Variants in SPHKAP observed in about 807,000 individuals in gnomAD.
SPHKAP encodes SPHK1 interactor, AKAP domain containing.
Under a neutral mutation model 137.5 loss-of-function variants are expected in SPHKAP, and 67 were observed. The ratio of observed to expected loss-of-function variants is 0.49; its 90% CI spans 0.40 to 0.60. The LOEUF is 0.60. SPHKAP is among the 20% of genes least tolerant of loss of function. SPHKAP has a pLI of 0.00. For synonymous variants in SPHKAP, 813 were observed against 785.3 expected (o/e 1.04, Z -0.59); for missense variants, 2,097 against 2,069.3 (o/e 1.01, Z -0.26).
rs1199255501 is a variant in SPHKAP, at chr2:228,092,137, G to GTATATA, written c.246+16694_246+16695insTATATA. ...CATATATACATATACGTATATGTGT[G>GTATATA]TACACATATATACATATACATATAT... On this transcript the variant is annotated intron_variant, in intron 3 of 11. Transcript: ENST00000392056. Among the ~76,000 whole-genome samples the GTATATA allele has an allele frequency of 8.1e-3, 1,138 of 141,110 alleles. 28 individuals are homozygous for GTATATA. Among genetic ancestry groups the GTATATA allele is most frequent in the Middle Eastern group, 0.055 (13 of 236 alleles). 92.6% of individuals were successfully genotyped at this position (141,110 alleles called of 152,430 possible). A position where few individuals can be genotyped will look rare whatever the true frequency, so the allele number is the denominator to read the frequency against.
At chr2:228,114,798 C>T (rs1698652320) in intron 2 of SPHKAP, among the ~76,000 whole-genome samples, 1 of 152,124 alleles carries the variant, frequency 6.6e-6, no homozygotes, top group South Asian at 2.1e-4. Flanking sequence ...TCTCTACTCT[C>T]CTTCAGTCAA....
chr2:228,150,497 G>A (rs946868411), intron 1 of SPHKAP, among the ~76,000 whole-genome samples: 7 of 151,904 alleles, frequency 4.6e-5, no homozygotes, highest in Non-Finnish European at 8.8e-5. Context: ...AGTTACTTTA[G>A]TAAGTTATAT....
chr2:228,010,941 G>C (rs1172004249), intron 7 of SPHKAP, among the ~76,000 whole-genome samples: 1 of 152,088 alleles, frequency 6.6e-6, no homozygotes, highest in Non-Finnish European at 1.5e-5. Flanking sequence ...TTGATTCCTT[G>C]TGTGTCTTTC....
At position 228,017,947 on chromosome 2, in the gene SPHKAP, C is replaced by G. The variant is rs1413118392; in HGVS notation, c.2907G>C (p.Leu969=). Residue 969 remains leucine (L), a synonymous_variant, in exon 7 of 12, where the codon CTG becomes CTC. Transcript: ENST00000392056. ...FCAWKRGSEF[L]MTPNVPCRSL... ...ATCGGCAGGGTACGTTGGGTGTCATCAGAAACTCACTCCCTCTTTTCCATG... is the reference window on the plus strand; with the variant it reads ...ATCGGCAGGGTACGTTGGGTGTCATGAGAAACTCACTCCCTCTTTTCCATG... 3 of 1,614,152 alleles carry G rather than the reference C, an allele frequency of 1.9e-6. No homozygotes were observed. The highest frequency in any genetic ancestry group is 2.5e-6 in the Non-Finnish European group (3 of 1,180,034).
intron 11 of SPHKAP, chr2:227,982,122 T>G (rs1034790993): frequency 1.1e-5 from 11 of 985,034 alleles, no homozygotes; most frequent in Non-Finnish European, 1.3e-5. Context: ...ATGAGACTAA[T>G]TCTTTTTTTT....
chr2:227,993,714 T>A, intron 8 of SPHKAP, 94 bp from the exon 9 acceptor site: 1 of 1,123,298 alleles, frequency 8.9e-7, no homozygotes, highest in Non-Finnish European at 1.3e-6. Context: ...CTCCTTCCTT[T>A]GGTCCCCAGA....
intron 3 of SPHKAP, among the ~76,000 whole-genome samples, chr2:228,063,368 T>C (rs1293064031): frequency 6.6e-6 from 1 of 152,176 alleles, no homozygotes; most frequent in Admixed American, 6.5e-5. Flanking sequence ...AAATGACTTA[T>C]TTTGCATAAA....
At position 228,080,214 on chromosome 2, in the gene SPHKAP, G is replaced by T. The variant is rs139226622; in HGVS notation, c.246+28618C>A. On this transcript the variant is annotated intron_variant, in intron 3 of 11. Transcript: ENST00000392056. ...ACATATGGAGTGGGAGAACATATTT[G>T]CAGATCATGCGTCTAATGGGGTTAA... Among the ~76,000 whole-genome samples the T allele has an allele frequency of 4.8e-3, 727 of 152,218 alleles. 12 individuals are homozygous for T. Among genetic ancestry groups the T allele is most frequent in the African/African-American group, 0.017 (693 of 41,548 alleles).
chr2:228,150,256 A>G (rs1699890376), intron 1 of SPHKAP, among the ~76,000 whole-genome samples: 1 of 152,308 alleles, frequency 6.6e-6, no homozygotes, highest in African/African-American at 2.4e-5. Context: ...TCTTTTGATC[A>G]TGAATGAGAC....
chr2:228,172,809 C>T lies in SPHKAP; in HGVS notation c.32+8758G>A, dbSNP rs377301971. ...CCACAACCTGAAATCTGTTAGTCACCATGGCAGAAAGTAAGAGAAATGAAG... is the reference window on the plus strand; with the variant it reads ...CCACAACCTGAAATCTGTTAGTCACTATGGCAGAAAGTAAGAGAAATGAAG... On this transcript the variant is annotated intron_variant, in intron 1 of 11. Transcript: ENST00000392056. 3.3e-5 allele frequency among the ~76,000 whole-genome samples: 5 copies of T among 152,116 alleles called. No individual in the cohort carries two copies. In the East Asian group the frequency reaches 5.8e-4, roughly 18 times the overall value.
intron 2 of SPHKAP, among the ~76,000 whole-genome samples, chr2:228,128,597 T>C (rs1030427584): frequency 1.3e-5 from 2 of 152,214 alleles, no homozygotes; most frequent in East Asian, 1.9e-4. Context: ...CTATCTACTT[T>C]GCCCAGATCC....
intron 1 of SPHKAP, among the ~76,000 whole-genome samples, chr2:228,144,464 G>A (rs1304445627): frequency 2.5e-5 from 3 of 121,928 alleles, no homozygotes; most frequent in African/African-American, 5.5e-5. Context: ...TACATACATA[G>A]TTTCATATAT....
Position 228,165,753 on chromosome 2 carries a change from G to A in SPHKAP, c.32+15814C>T, listed in dbSNP as rs766071193. 5.9e-5 allele frequency among the ~76,000 whole-genome samples: 9 copies of A among 152,348 alleles called. 1 individual carries two copies. The South Asian group carries it at 1.9e-3, about 32-fold the overall frequency. On this transcript the variant is annotated intron_variant, in intron 1 of 11. Coordinates refer to ENST00000392056, the MANE Select transcript of SPHKAP (RefSeq NM_001142644.2). Reference sequence around the variant, plus strand: ...CCAGTCTCTGCAATTACAAGATTGTGTAAGAAAGCAAGAGTTGTCTTAACT... The same window carrying A: ...CCAGTCTCTGCAATTACAAGATTGTATAAGAAAGCAAGAGTTGTCTTAACT...
chr2:228,067,862 T>G (rs1191556993), intron 3 of SPHKAP, among the ~76,000 whole-genome samples: 3 of 152,086 alleles, frequency 2.0e-5, no homozygotes, highest in African/African-American at 7.2e-5. Flanking sequence ...GATTGAAAAT[T>G]TAAAAAGAGT....
chr2:228,145,725 G>C (rs924998418), intron 1 of SPHKAP, among the ~76,000 whole-genome samples: 2 of 152,172 alleles, frequency 1.3e-5, no homozygotes, highest in Non-Finnish European at 1.5e-5. Flanking sequence ...ATTTAGCAAT[G>C]AGAGTATAAA....
intron 2 of SPHKAP, among the ~76,000 whole-genome samples, chr2:228,123,414 C>T (rs1698972069): frequency 6.6e-6 from 1 of 152,120 alleles, no homozygotes; most frequent in Non-Finnish European, 1.5e-5. Context: ...GTTTATACTC[C>T]AGGGGGAAAT....
At chr2:228,168,623 C>T (rs1367377310) in intron 1 of SPHKAP, among the ~76,000 whole-genome samples, 2 of 152,268 alleles carry the variant, frequency 1.3e-5, no homozygotes, top group East Asian at 3.9e-4. Flanking sequence ...GAAGTTACCC[C>T]TTCTTTTTTC....
chr2:228,063,752 T>C (rs1696739401), intron 3 of SPHKAP, among the ~76,000 whole-genome samples: 1 of 152,200 alleles, frequency 6.6e-6, no homozygotes, highest in Admixed American at 6.5e-5. Context: ...TTCATGCATC[T>C]GTGGTTGCAA....
chr2:228,006,239 C>G (rs1257905343), intron 7 of SPHKAP, among the ~76,000 whole-genome samples: 1 of 152,042 alleles, frequency 6.6e-6, no homozygotes, highest in African/African-American at 2.4e-5. Context: ...TTGTTCATTT[C>G]TCTTTATTCT....
Sources: allele counts gnomAD v4.1 joint callset (sites outside exome capture counted in the v4.1 genomes callset), GRCh38; gene constraint gnomAD v4.1.1; transcripts MANE v1.5; gene names NCBI Gene and HGNC (gene_info 2026-07-23, HGNC 2026-07-21).